MGAT4C: variants seen among roughly 807,000 people sequenced by gnomAD.
The protein encoded by MGAT4C is MGAT4 family member C.
MGAT4C carries 19 observed loss-of-function variants against 40.1 expected under a neutral mutation model. The ratio of observed to expected loss-of-function variants is 0.47; its 90% CI spans 0.33 to 0.70. MGAT4C has a LOEUF of 0.70. MGAT4C is among the 30% of genes least tolerant of loss of function. MGAT4C has a pLI of 0.02. For synonymous variants in MGAT4C, 181 were observed against 187.1 expected, an observed-to-expected ratio of 0.97 and a Z score of 0.27; for missense variants, 491 against 563.2, an observed-to-expected ratio of 0.87 and a Z score of 1.30.
intron 3 of MGAT4C, among the ~76,000 whole-genome samples, chr12:86,374,109 GA>G (rs933782525): frequency 6.6e-6 from 1 of 151,982 alleles, no homozygotes; most frequent in Non-Finnish European, 1.5e-5. Context: ...CTTCTCTGTG[GA>G]AAATGGTAGA....
chr12:86,764,543 G>A (rs1951468027), intron 1 of MGAT4C, among the ~76,000 whole-genome samples: 1 of 68,784 alleles, frequency 1.5e-5, no homozygotes, highest in Admixed American at 1.2e-4. Flanking sequence ...GGAGATCTGA[G>A]AACGGGCAGA....
chr12:86,500,684 T>A (rs1396840367), intron 2 of MGAT4C, among the ~76,000 whole-genome samples: 1 of 151,984 alleles, frequency 6.6e-6, no homozygotes, highest in Non-Finnish European at 1.5e-5. Context: ...TGCAAACTCT[T>A]TGTGACAAAA....
intron 2 of MGAT4C, among the ~76,000 whole-genome samples, chr12:86,689,544 T>C (rs1950137026): frequency 6.6e-6 from 1 of 152,242 alleles, no homozygotes; most frequent in South Asian, 2.1e-4. Flanking sequence ...TTCTGTTTGT[T>C]AGTTTTCCTT....
At chr12:86,235,673 A>C (rs767678555) in intron 1 of MGAT4C, among the ~76,000 whole-genome samples, 9 of 152,050 alleles carry the variant, frequency 5.9e-5, no homozygotes, top group Non-Finnish European at 8.8e-5. Flanking sequence ...TTTTAGATCT[A>C]TTCTCAGAAA....
At chr12:86,629,732 TC>T (rs1289541641) in intron 2 of MGAT4C, among the ~76,000 whole-genome samples, 1 of 152,048 alleles carries the variant, frequency 6.6e-6, no homozygotes, top group Non-Finnish European at 1.5e-5. Context: ...CATACCAGAA[TC>T]CCTGGGACAC....
At chr12:85,991,463 A>G (rs1025984419) in intron 2 of MGAT4C, among the ~76,000 whole-genome samples, 2 of 151,794 alleles carry the variant, frequency 1.3e-5, no homozygotes, top group African/African-American at 4.8e-5. Flanking sequence ...CTGGGGACCC[A>G]CCCCCTTCCC....
intron 1 of MGAT4C, among the ~76,000 whole-genome samples, chr12:86,079,556 T>A (rs1870434582): frequency 6.6e-6 from 1 of 152,148 alleles, no homozygotes; most frequent in South Asian, 2.1e-4. Flanking sequence ...CACTATATAG[T>A]ATGGTCTTGT....
At chr12:86,241,973 A>T (rs1426007862) in intron 1 of MGAT4C, among the ~76,000 whole-genome samples, 1 of 152,062 alleles carries the variant, frequency 6.6e-6, no homozygotes, top group Non-Finnish European at 1.5e-5. Flanking sequence ...TTGAGAAAAT[A>T]CCACTGTATT....
At chr12:86,465,278 A>C (rs1381078159) in intron 2 of MGAT4C, among the ~76,000 whole-genome samples, 1 of 152,198 alleles carries the variant, frequency 6.6e-6, no homozygotes, top group Non-Finnish European at 1.5e-5. Flanking sequence ...AACTCCTAGA[A>C]TATAACATAG....
intron 2 of MGAT4C, among the ~76,000 whole-genome samples, chr12:86,578,519 CTTT>C (rs1418976123): frequency 1.3e-5 from 2 of 151,628 alleles, no homozygotes; most frequent in African/African-American, 4.8e-5. Flanking sequence ...TGCAGGGAAA[CTTT>C]TTATTACAGC....
intron 3 of MGAT4C, among the ~76,000 whole-genome samples, chr12:86,423,890 C>CTAAA (rs1480217626): frequency 6.6e-6 from 1 of 152,104 alleles, no homozygotes; most frequent in African/African-American, 2.4e-5. Context: ...CCCATACAAG[C>CTAAA]TAAATATTTC....
At position 86,510,749 on chromosome 12, in the gene MGAT4C, A is replaced by G. The variant is rs535486392; in HGVS notation, c.-228-75484T>C. Among the ~76,000 whole-genome samples, 508 of 152,320 alleles carry G rather than the reference A, an allele frequency of 3.3e-3. 1 individual carries two copies. Among genetic ancestry groups the G allele is most frequent in the African/African-American group, 0.012 (491 of 41,578 alleles). ...AAGATCAAAAGAGACAAAGAAGGCCATTATATAATGGTAAAGGGATCAATT... is the reference window on the plus strand; with the variant it reads ...AAGATCAAAAGAGACAAAGAAGGCCGTTATATAATGGTAAAGGGATCAATT... On this transcript the variant is annotated intron_variant, in intron 2 of 7. Transcript: ENST00000548651.
intron 2 of MGAT4C, among the ~76,000 whole-genome samples, chr12:86,469,990 G>T (rs1462351177): frequency 2.0e-5 from 3 of 151,964 alleles, no homozygotes; most frequent in Admixed American, 2.0e-4. Flanking sequence ...CCATGTTGTT[G>T]CAAAAGGTAG....
intron 3 of MGAT4C, among the ~76,000 whole-genome samples, chr12:86,396,272 T>C (rs1248394843): frequency 6.6e-6 from 1 of 152,192 alleles, no homozygotes; most frequent in African/African-American, 2.4e-5. Context: ...GAGTGAAGCA[T>C]GTCTCTTAAT....
chr12:86,398,175 T>C (rs556632193), intron 3 of MGAT4C, among the ~76,000 whole-genome samples: 1 of 152,326 alleles, frequency 6.6e-6, no homozygotes. Flanking sequence ...GCCAGAACTT[T>C]AAAGTCAGTA....
rs916778801 is a variant in MGAT4C, at chr12:85,997,029, A to G, written c.-6-7477T>C. Among the ~76,000 whole-genome samples, 25 of 152,194 alleles carry G rather than the reference A, an allele frequency of 1.6e-4. 1 individual carries two copies. Among genetic ancestry groups the G allele is most frequent in the Admixed American group, 7.2e-4 (11 of 15,274 alleles). The stretch of plus-strand genomic sequence containing the variant: ...GTTTTCATGCTGCTGATAAAGATAT[A>G]CCCAAGACAGGGCAATTTACAACAG... On this transcript the variant is annotated intron_variant, in intron 2 of 4. Transcript: ENST00000611864.
At chr12:86,586,975 T>A (rs140701567) in intron 2 of MGAT4C, among the ~76,000 whole-genome samples, 8,018 of 152,252 alleles carry the variant, frequency 0.053, 349 homozygotes, top group East Asian at 0.19. Flanking sequence ...CATTTGTCAA[T>A]GTTGGCTTTT....
At chr12:86,601,423 T>A (rs900855287) in intron 2 of MGAT4C, 1 of 152,264 alleles carries the variant, frequency 6.6e-6, no homozygotes, top group African/African-American at 2.4e-5. Flanking sequence ...ACTTCCTCCA[T>A]CCTGAGCCCC....
intron 3 of MGAT4C, among the ~76,000 whole-genome samples, chr12:86,341,484 A>G (rs755126248): frequency 1.3e-5 from 2 of 152,196 alleles, no homozygotes; most frequent in African/African-American, 2.4e-5. Context: ...CCCAGGCAAG[A>G]GGCTGAATCC....
Sources: allele counts gnomAD v4.1 joint callset (sites outside exome capture counted in the v4.1 genomes callset), GRCh38; gene constraint gnomAD v4.1.1; transcripts MANE v1.5; gene names NCBI Gene and HGNC (gene_info 2026-07-23, HGNC 2026-07-21).